The following FBXL2 variants were observed in gnomAD, a reference collection of about 807,000 sequenced individuals.
The protein encoded by FBXL2 is F-box and leucine rich repeat protein 2, also known as F-box/LRR-repeat protein 2.
A neutral mutation model predicts 69.2 loss-of-function variants in FBXL2; 38 were observed. The observed-to-expected ratio is 0.55, with a 90% confidence interval of 0.42 to 0.72. FBXL2 has a LOEUF of 0.72. Ranked by LOEUF, FBXL2 falls within the 30% of genes least tolerant of loss-of-function variation. The pLI, the probability that FBXL2 is intolerant of heterozygous loss-of-function variation, is 0.00. For missense variants in FBXL2, 354 were observed against 520.3 expected (o/e 0.68, Z 3.11); for synonymous variants, 192 against 201.3 (o/e 0.95, Z 0.39).
At chr3:33,316,491 A>G (rs2037707350) in intron 2 of FBXL2, among the ~76,000 whole-genome samples, 1 of 152,144 alleles carries the variant, frequency 6.6e-6, no homozygotes, top group African/African-American at 2.4e-5. Context: ...AGCCCCTTTT[A>G]GAAATTAGTG....
intron 12 of FBXL2, chr3:33,397,005 T>G (rs1382326700): frequency 6.5e-7 from 1 of 1,549,638 alleles, no homozygotes; most frequent in Non-Finnish European, 8.9e-7. Flanking sequence ...CGAAGAAAGG[T>G]ACATTCTTAT....
intron 2 of FBXL2, among the ~76,000 whole-genome samples, chr3:33,318,108 C>T (rs1268124002): frequency 4.7e-5 from 7 of 148,238 alleles, no homozygotes; most frequent in Non-Finnish European, 9.1e-5. Context: ...TAGCCCCAGA[C>T]GTCTTTTGTT....
rs1369192507 is a variant in FBXL2 at position 33,386,585 on chromosome 3, C to CTA, written c.*978_*979insAT. 4.6e-5 allele frequency: 7 copies of CTA among 151,484 alleles called. No individual in the cohort carries two copies. Among genetic ancestry groups the CTA allele is most frequent in the Non-Finnish European group, 7.4e-5 (5 of 67,936 alleles). 9.4% of individuals were successfully genotyped at this position (151,484 alleles called of 1,614,324 possible). ...AACTCAGATCAGTAAGTGTTGGTAC[C>CTA]TTTTAGACTCATAAAATTGAATAAA... On this transcript the variant is annotated 3_prime_UTR_variant, in exon 15 of 15. Transcript: ENST00000484457.
At chr3:33,418,403 C>T in the FBXL2 span, among the ~76,000 whole-genome samples, 1 of 151,918 alleles carries the variant, frequency 6.6e-6, no homozygotes, top group African/African-American at 2.4e-5. Context: ...TACAGGTGCC[C>T]GCCACCACGC....
intron 1 of FBXL2, 40 bp downstream of exon 1, chr3:33,277,555 A>C: frequency 7.9e-7 from 1 of 1,266,760 alleles, no homozygotes. Flanking sequence ...GCCCCGCCCT[A>C]CCCCTACCGG....
Position 33,298,696 on chromosome 3 carries a change from C to CAA in FBXL2, c.65+992_65+993dup, listed in dbSNP as rs1158732530. Among the ~76,000 whole-genome samples, 241 of 45,606 alleles carry CAA rather than the reference C, an allele frequency of 5.3e-3. 1 individual carries two copies. The highest frequency in any genetic ancestry group is 0.014 in the Middle Eastern group (1 of 70). The allele number at this position is 45,606 out of a possible 152,430, so 29.9% of individuals were successfully genotyped here. A position where few individuals can be genotyped will look rare whatever the true frequency, so the allele number is the denominator to read the frequency against. On this transcript the variant is annotated intron_variant, in intron 2 of 14. Transcript: ENST00000484457. ...TGGGTGACAGAGTGAAACTCTGTCT[C>CAA]AAAAAAAAAAAAAAAAAAAAAAGCT...
chr3:33,408,778 A>T, the FBXL2 span: 1 of 1,613,942 alleles, frequency 6.2e-7, no homozygotes, highest in Non-Finnish European at 8.5e-7. Flanking sequence ...TGCATCTTCA[A>T]TTATAGGCTC....
chr3:33,284,802 G>A (rs1279089369), intron 1 of FBXL2, among the ~76,000 whole-genome samples: 1 of 152,114 alleles, frequency 6.6e-6, no homozygotes, highest in African/African-American at 2.4e-5. Flanking sequence ...ATTATGTAAT[G>A]GCCTTCTTTG....
At chr3:33,406,194 G>A (rs1472734830), downstream of FBXL2, among the ~76,000 whole-genome samples, 3 of 152,226 alleles carry the variant, frequency 2.0e-5, no homozygotes, top group Admixed American at 6.5e-5. Flanking sequence ...CAGGAGGACT[G>A]CTTGAGGAGA....
At chr3:33,383,917 C>T (rs1334059492) in intron 13 of FBXL2, 72 bp from the exon 14 acceptor site, 1 of 1,485,250 alleles carries the variant, frequency 6.7e-7, no homozygotes, top group Non-Finnish European at 9.4e-7. Context: ...AGGCTAGCTT[C>T]CAGCTTTTTT....
rs561936225 is a variant in FBXL2, at chr3:33,332,967, A to G, written c.66-26000A>G. On this transcript the variant is annotated intron_variant, in intron 2 of 14. Coordinates refer to ENST00000484457, the MANE Select transcript of FBXL2 (RefSeq NM_012157.5). ...TACAATGTGGATTAACCTCAAAAAC[A>G]TTATATGAAGAAATGAAGCCAAACC... is the stretch of plus-strand genomic sequence containing the variant. 2.6e-5 allele frequency among the ~76,000 whole-genome samples: 4 copies of G among 152,352 alleles called. No homozygotes were observed. The South Asian group carries it at 6.2e-4, about 24-fold the overall frequency.
intron 2 of FBXL2, among the ~76,000 whole-genome samples, chr3:33,329,968 C>T (rs1474347480): frequency 6.6e-6 from 1 of 151,302 alleles, no homozygotes; most frequent in Non-Finnish European, 1.5e-5. Context: ...CAGAGTGAGA[C>T]CCTGTTTTTT....
chr3:33,297,760 A>T (rs1252727418), intron 2 of FBXL2, 35 bp downstream of exon 2: 2 of 1,253,154 alleles, frequency 1.6e-6, no homozygotes. Context: ...AAGAGTTTAG[A>T]TCTGATTTAG....
At chr3:33,297,963 G>T (rs1455509213) in intron 2 of FBXL2, 1 of 530,408 alleles carries the variant, frequency 1.9e-6, no homozygotes, top group Non-Finnish European at 3.5e-6. Flanking sequence ...TTGTAATGTG[G>T]TAAGTATTGT....
chr3:33,398,353 T>C (rs1431104826), intron 12 of FBXL2: 7 of 152,350 alleles, frequency 4.6e-5, no homozygotes, highest in African/African-American at 7.2e-5. Context: ...TGAGCATTAA[T>C]AGAGTCATTT....
intron 1 of FBXL2, among the ~76,000 whole-genome samples, chr3:33,296,907 C>T (rs1055162219): frequency 9.2e-5 from 14 of 152,086 alleles, no homozygotes; most frequent in African/African-American, 2.4e-5. Context: ...ATTTTTTGAT[C>T]AGCCTTTCAA....
At chr3:33,350,365 C>G (rs1019537725) in intron 2 of FBXL2, among the ~76,000 whole-genome samples, 21 of 151,744 alleles carry the variant, frequency 1.4e-4, no homozygotes, top group Admixed American at 3.9e-4. Context: ...ACTTATCAGA[C>G]TAGGAATAGA....
In FBXL2 at chr3:33,387,823, C is replaced by T. The variant is rs1204863620; in HGVS notation, c.*2215C>T. The stretch of plus-strand genomic sequence containing the variant: ...GTGGCTCACGCCTGTAATCCCAGCA[C>T]TTTGGGAGGCAGAGGCGGGCGGATC... On this transcript the variant is annotated 3_prime_UTR_variant, in exon 15 of 15. Coordinates refer to ENST00000484457, the MANE Select transcript of FBXL2 (RefSeq NM_012157.5). 1 of 152,178 alleles carries T rather than the reference C, an allele frequency of 6.6e-6. No homozygotes were observed. Among genetic ancestry groups the T allele is most frequent in the Non-Finnish European group, 1.5e-5 (1 of 68,138 alleles). 9.4% of individuals were successfully genotyped at this position (152,178 alleles called of 1,614,324 possible).
In FBXL2 at chr3:33,328,816, TG is replaced by T. The variant is rs2038924873; in HGVS notation, c.66-30150del. Among the ~76,000 whole-genome samples, 2 of 151,868 alleles carry T rather than the reference TG, an allele frequency of 1.3e-5. 1 individual carries two copies. Among genetic ancestry groups the T allele is most frequent in the South Asian group, 4.2e-4 (2 of 4,818 alleles). Reference sequence around the variant, plus strand: ...GTGTGTGTGCATGTGTGTGTGTGTGTGTGTGTGTGTGTGTGTGTAAGACCTC... The same window carrying T: ...GTGTGTGTGCATGTGTGTGTGTGTGTTGTGTGTGTGTGTGTGTAAGACCTC... On this transcript the variant is annotated intron_variant, in intron 2 of 14. Transcript: ENST00000484457.
Sources: allele counts gnomAD v4.1 joint callset (sites outside exome capture counted in the v4.1 genomes callset), GRCh38; gene constraint gnomAD v4.1.1; transcripts MANE v1.5; gene names NCBI Gene and HGNC (gene_info 2026-07-23, HGNC 2026-07-21).